The following TRIP4 variants were observed in gnomAD, a reference collection of about 807,000 sequenced individuals.
TRIP4 encodes activating signal cointegrator 1.
A neutral mutation model predicts 81.8 loss-of-function variants in TRIP4; 54 were observed. The ratio of observed to expected loss-of-function variants is 0.66; its 90% CI spans 0.53 to 0.83. The LOEUF (loss-of-function observed/expected upper bound fraction) is 0.83, where lower values mean the gene tolerates loss of function less well. Among genes scored for constraint, TRIP4 ranks in the 40% least tolerant of loss-of-function variants. TRIP4 has a pLI of 0.00. For synonymous variants in TRIP4, 270 were observed against 242.8 expected (o/e 1.11, Z -1.04); for missense variants, 662 against 683.6 (o/e 0.97, Z 0.35).
chr15:64,429,940 C>A (rs1417481674), intron 11 of TRIP4, among the ~76,000 whole-genome samples: 1 of 151,980 alleles, frequency 6.6e-6, no homozygotes, highest in Non-Finnish European at 1.5e-5. Context: ...TTTTTCTTTT[C>A]CCCCCAAAAT....
intron 5 of TRIP4, among the ~76,000 whole-genome samples, chr15:64,402,952 C>G (rs1891544452): frequency 6.7e-6 from 1 of 149,034 alleles, no homozygotes; most frequent in South Asian, 2.1e-4. Flanking sequence ...CTCCATCTCC[C>G]AGGTTCATGC....
At chr15:64,445,927 A>G (rs1296513231) in intron 12 of TRIP4, among the ~76,000 whole-genome samples, 1 of 152,158 alleles carries the variant, frequency 6.6e-6, no homozygotes, top group Non-Finnish European at 1.5e-5. Flanking sequence ...GTAGTAAGGC[A>G]GTGCAGTGGC....
At chr15:64,404,606 C>T (rs1447508485) in intron 5 of TRIP4, among the ~76,000 whole-genome samples, 1 of 152,014 alleles carries the variant, frequency 6.6e-6, no homozygotes, top group Non-Finnish European at 1.5e-5. Context: ...CCACCGCGCT[C>T]GGCCTGTAAT....
Position 64,412,284 on chromosome 15 carries a change from T to G in TRIP4, c.1044-1801T>G, listed in dbSNP as rs115462627. 2.4e-3 allele frequency among the ~76,000 whole-genome samples: 370 copies of G among 152,272 alleles called. 2 individuals carry two copies. Among genetic ancestry groups the G allele is most frequent in the African/African-American group, 8.6e-3 (356 of 41,556 alleles). ...TTCAGACCTCACTCTCCCCACGCTA[T>G]TTTAGACTTACCTCATCATACAAAT... On this transcript the variant is annotated intron_variant, in intron 7 of 12. Transcript: ENST00000261884.
chr15:64,431,363 C>T (rs1344806230), intron 11 of TRIP4, among the ~76,000 whole-genome samples: 1 of 152,052 alleles, frequency 6.6e-6, no homozygotes, highest in Non-Finnish European at 1.5e-5. Flanking sequence ...TCACAGCTCA[C>T]TTGAGTGAGA....
At chr15:64,404,808 C>T (rs1891587363) in intron 5 of TRIP4, among the ~76,000 whole-genome samples, 2 of 152,148 alleles carry the variant, frequency 1.3e-5, no homozygotes, top group South Asian at 4.1e-4. Flanking sequence ...GCCTCAGCCT[C>T]CCAAGTAGCT....
rs546887855 is a variant in TRIP4, at chr15:64,449,930, T to A, written c.1678+4822T>A. On this transcript the variant is annotated intron_variant, in intron 12 of 12. Coordinates refer to ENST00000261884, the MANE Select transcript of TRIP4 (RefSeq NM_016213.5). ...TAACTTCTTGCCCATCTGCTGCACA[T>A]GCATTTGACTTTCTTTTAGGCACTA... is the stretch of plus-strand genomic sequence containing the variant. 6.6e-5 allele frequency among the ~76,000 whole-genome samples: 10 copies of A among 152,354 alleles called. No homozygotes were observed. The South Asian group carries it at 2.1e-3, about 32-fold the overall frequency.
chr15:64,419,347 TTTTTC>T (rs1209842729), intron 9 of TRIP4, among the ~76,000 whole-genome samples: 9 of 152,066 alleles, frequency 5.9e-5, no homozygotes, highest in Non-Finnish European at 8.8e-5. Flanking sequence ...GTCTTGTGTT[TTTTTC>T]TTTTCTTTTC....
chr15:64,413,524 A>G (rs894053475), intron 7 of TRIP4, among the ~76,000 whole-genome samples: 6 of 152,162 alleles, frequency 3.9e-5, no homozygotes, highest in Non-Finnish European at 7.3e-5. Flanking sequence ...CTTGTTGAGC[A>G]GGTGAATGAC....
At chr15:64,422,538 G>A (rs1892041955) in intron 9 of TRIP4, among the ~76,000 whole-genome samples, 1 of 152,194 alleles carries the variant, frequency 6.6e-6, no homozygotes, top group Admixed American at 6.5e-5. Flanking sequence ...TAGAACAAGT[G>A]CATGGGAATC....
At chr15:64,434,051 T>C (rs776354893) in intron 11 of TRIP4, among the ~76,000 whole-genome samples, 2 of 151,818 alleles carry the variant, frequency 1.3e-5, no homozygotes, top group Non-Finnish European at 2.9e-5. Flanking sequence ...AAACAAAAAA[T>C]GAAATGGGGA....
chr15:64,446,923 T>G (rs1454768622), intron 12 of TRIP4, among the ~76,000 whole-genome samples: 2 of 151,436 alleles, frequency 1.3e-5, no homozygotes, highest in East Asian at 4.0e-4. Context: ...GCTAACACAG[T>G]GAAACCCCAT....
intron 7 of TRIP4, among the ~76,000 whole-genome samples, chr15:64,413,708 C>T (rs1003529292): frequency 6.6e-5 from 10 of 152,154 alleles, no homozygotes; most frequent in African/African-American, 2.4e-4. Flanking sequence ...CTGCCTCAGC[C>T]TCCCGAGTAG....
chr15:64,427,611 A>G (rs990362260), intron 11 of TRIP4, among the ~76,000 whole-genome samples: 2 of 152,152 alleles, frequency 1.3e-5, no homozygotes, highest in Non-Finnish European at 2.9e-5. Context: ...CCTGGCCTCA[A>G]GTGATCCACC....
intron 11 of TRIP4, among the ~76,000 whole-genome samples, chr15:64,442,131 A>G (rs1892530437): frequency 6.6e-6 from 1 of 151,980 alleles, no homozygotes; most frequent in African/African-American, 2.4e-5. Flanking sequence ...AAGGACTTAG[A>G]CTTTTATTCT....
At chr15:64,453,651 G>A (rs1240831848) in intron 12 of TRIP4, among the ~76,000 whole-genome samples, 1 of 152,100 alleles carries the variant, frequency 6.6e-6, no homozygotes, top group African/African-American at 2.4e-5. Flanking sequence ...TGATATTCAG[G>A]GTATCACTTA....
chr15:64,392,229 T>TC (rs1900156559), intron 1 of TRIP4, among the ~76,000 whole-genome samples: 1 of 150,660 alleles, frequency 6.6e-6, no homozygotes, highest in African/African-American at 2.4e-5. Flanking sequence ...ACCTGGGAGA[T>TC]GGAGTTTGCA....
chr15:64,424,882 T>G (rs1178331290), intron 10 of TRIP4, among the ~76,000 whole-genome samples: 3 of 152,178 alleles, frequency 2.0e-5, no homozygotes, highest in Non-Finnish European at 4.4e-5. Flanking sequence ...TTCAAGTGAT[T>G]CTCCTGCCTC....
chr15:64,442,700 G>GA (rs1892544847), intron 11 of TRIP4, among the ~76,000 whole-genome samples: 1 of 151,726 alleles, frequency 6.6e-6, no homozygotes, highest in Admixed American at 6.6e-5. Flanking sequence ...ATTAAGATGA[G>GA]AACTGAGCCA....
Sources: allele counts gnomAD v4.1 joint callset (sites outside exome capture counted in the v4.1 genomes callset), GRCh38; gene constraint gnomAD v4.1.1; transcripts MANE v1.5; gene names NCBI Gene and HGNC (gene_info 2026-07-23, HGNC 2026-07-21).